Variants in ALG11 observed in about 807,000 individuals in gnomAD.
The protein encoded by ALG11 is ALG11 alpha-1,2-mannosyltransferase.
Under a neutral mutation model 38.8 loss-of-function variants are expected in ALG11, and 26 were observed. The ratio of observed to expected loss-of-function variants is 0.67; its 90% CI spans 0.49 to 0.93. ALG11 has a LOEUF of 0.93. Among genes scored for constraint, ALG11 ranks in the 40% least tolerant of loss-of-function variants. The pLI, the probability that ALG11 is intolerant of heterozygous loss-of-function variation, is 0.00. For synonymous variants in ALG11, 199 were observed against 211.6 expected (o/e 0.94, Z 0.52); for missense variants, 535 against 578.8 (o/e 0.92, Z 0.78).
rs1343857167 is a variant in ALG11, at chr13:52,030,533, A to C, written c.*1943A>C. ...TTCCGTGAGGTCTTTGGCAGTTCCC[A>C]CAATAATAGAGGAGCTGGAAGATGA... On this transcript the variant is annotated 3_prime_UTR_variant, in exon 4 of 4. Coordinates refer to ENST00000521508, the MANE Select transcript of ALG11 (RefSeq NM_001004127.3). The C allele has an allele frequency of 3.7e-6, 6 of 1,614,090 alleles. No homozygotes were observed. The African/African-American group carries it at 6.7e-5, about 18-fold the overall frequency.
At chr13:52,027,702 T>C (rs891007815) in intron 3 of ALG11, among the ~76,000 whole-genome samples, 11 of 152,254 alleles carry the variant, frequency 7.2e-5, no homozygotes, top group Admixed American at 2.6e-4. Flanking sequence ...CATGCAGTAG[T>C]CTCAAATATG....
In ALG11 at chr13:52,028,942, G is replaced by A. The variant is rs760813420; in HGVS notation, c.*352G>A. The A allele has an allele frequency of 1.2e-6, 2 of 1,614,218 alleles. No homozygotes were observed. The highest frequency in any genetic ancestry group is 1.7e-6 in the Non-Finnish European group (2 of 1,180,036). Reference sequence around the variant, plus strand: ...GAGAGAGAAAGCATCAAAAGCTTCTGGAAGCAATCATTTCCCTTGATGGAA... The same window carrying A: ...GAGAGAGAAAGCATCAAAAGCTTCTAGAAGCAATCATTTCCCTTGATGGAA... On this transcript the variant is annotated 3_prime_UTR_variant, in exon 4 of 4. Transcript: ENST00000521508.
intron 1 of ALG11, among the ~76,000 whole-genome samples, chr13:52,018,379 A>G (rs1301535297): frequency 6.6e-6 from 1 of 152,252 alleles, no homozygotes; most frequent in Non-Finnish European, 1.5e-5. Flanking sequence ...AATAGAGCAA[A>G]TACAGAACTG....
At position 52,012,415 on chromosome 13, in the gene ALG11, G is replaced by A. The variant is rs755079416; in HGVS notation, c.-4G>A. ...CGTTTCCTGAGTTCGGGGGTCGGCG[G>A]AAGATGGCGGCCGGCGAAAGGAGCT... On this transcript the variant is annotated 5_prime_UTR_variant, in exon 1 of 4. Coordinates refer to ENST00000521508, the MANE Select transcript of ALG11 (RefSeq NM_001004127.3). 1.9e-6 allele frequency: 3 copies of A among 1,614,030 alleles called. No individual in the cohort carries two copies. The highest frequency in any genetic ancestry group is 1.7e-5 in the Admixed American group (1 of 60,010).
In ALG11 at chr13:52,012,505, G is replaced by A. The variant is rs764292345; in HGVS notation, c.44+43G>A. The A allele has an allele frequency of 2.5e-6, 4 of 1,613,800 alleles. No homozygotes were observed. In the Admixed American group the frequency reaches 6.7e-5, roughly 27 times the overall value. On this transcript the variant is annotated intron_variant, in intron 1 of 3. Transcript: ENST00000521508. ...TGGGCTCACAGACGTTTTCTCTTCT[G>A]TAGGGGTACTTGCCCGTCCAGTGTA...
In ALG11 at chr13:52,032,965, T is replaced by C. The variant is rs910486152; in HGVS notation, c.*4375T>C. 1.2e-5 allele frequency: 2 copies of C among 167,114 alleles called. No homozygotes were observed. The highest frequency in any genetic ancestry group is 2.1e-4 in the South Asian group (1 of 4,834). The allele number at this position is 167,114 out of a possible 1,614,324, so 10.4% of individuals were successfully genotyped here. On this transcript the variant is annotated 3_prime_UTR_variant, in exon 4 of 4. Transcript: ENST00000521508. ...CACTTTGAAGTAAGATTCAAACTGT[T>C]ATCCACTCAATTGCCTTATTCCTGA...
At chr13:52,025,663 T>A (rs1954233512) in intron 3 of ALG11, among the ~76,000 whole-genome samples, 1 of 152,230 alleles carries the variant, frequency 6.6e-6, no homozygotes, top group Non-Finnish European at 1.5e-5. Context: ...TGGCACAAAC[T>A]GCTATCTCTA....
intron 1 of ALG11, chr13:52,015,779 C>G (rs1954129541): frequency 6.6e-6 from 1 of 152,336 alleles, no homozygotes; most frequent in Admixed American, 6.5e-5. Context: ...ATTTTTGTTC[C>G]CAGTTTCGAG....
Position 52,024,625 on chromosome 13 carries a change from C to A in ALG11, c.895C>A (p.Pro299Thr). 6.2e-7 allele frequency: 1 copy of A among 1,613,814 alleles called. No homozygotes were observed. The highest frequency in any genetic ancestry group is 8.5e-7 in the Non-Finnish European group (1 of 1,179,776). ...DIPLHEKKMTPGHLLVSVGQF... is the reference protein window; with the variant it reads ...DIPLHEKKMTTGHLLVSVGQF... ...TCCCTTACATGAGAAAAAGATGACC[C>A]CAGGACATTTGCTGGTTTCTGTTGG... The change falls in exon 3 of 4, where the codon CCA becomes ACA. Residue 299 changes from proline (P) to threonine (T), a missense_variant. By Grantham distance (38) the Pro-to-Thr change is conservative (BLOSUM62 -1). Transcript: ENST00000521508.
rs998882739 is a variant in ALG11 at position 52,031,444 on chromosome 13, CTT to C, written c.*2856_*2857del. ...AGTCAAGAGGTGGGACTGACTGATG[CTT>C]TATAGGTGTGTGTAGGGTGGTAGAG... is the stretch of plus-strand genomic sequence containing the variant. On this transcript the variant is annotated 3_prime_UTR_variant, in exon 4 of 4. Coordinates refer to ENST00000521508, the MANE Select transcript of ALG11 (RefSeq NM_001004127.3). 47 of 274,034 alleles carry C rather than the reference CTT, an allele frequency of 1.7e-4. No individual in the cohort carries two copies. The highest frequency in any genetic ancestry group is 1.5e-4 in the Non-Finnish European group (21 of 135,724). 17.0% of individuals were successfully genotyped at this position (274,034 alleles called of 1,614,324 possible). A position where few individuals can be genotyped will look rare whatever the true frequency, so the allele number is the denominator to read the frequency against.
Position 52,028,533 on chromosome 13 carries a change from C to G in ALG11, c.1422C>G (p.Phe474Leu). 6.2e-7 allele frequency: 1 copy of G among 1,614,156 alleles called. No homozygotes were observed. The highest frequency in any genetic ancestry group is 1.1e-5 in the South Asian group (1 of 91,086). ...RKSARASVSR[F>L]SDQEFEVTFL... ...GTGCTCGTGCATCTGTAAGCAGATT[C>G]TCTGATCAGGAATTTGAAGTGACAT... Residue 474 changes from phenylalanine to leucine, a missense_variant, in exon 4 of 4, where the codon TTC (phenylalanine) becomes TTG (leucine). Coordinates refer to ENST00000521508, the MANE Select transcript of ALG11 (RefSeq NM_001004127.3).
rs765462191 is a variant in ALG11, at chr13:52,024,181, G to A, written c.451G>A (p.Gly151Ser). The A allele has an allele frequency of 6.2e-6, 10 of 1,613,852 alleles. No individual in the cohort carries two copies. Among genetic ancestry groups the A allele is most frequent in the Non-Finnish European group, 8.5e-6 (10 of 1,180,012 alleles). ...ACTGTATCCTCACTTCACACTGCTGGGCCAAAGTCTAGGATCCATTTTTCT... is the reference window on the plus strand; with the variant it reads ...ACTGTATCCTCACTTCACACTGCTGAGCCAAAGTCTAGGATCCATTTTTCT... ...DSLYPHFTLL[G>S]QSLGSIFLGW... Residue 151 changes from glycine (G) to serine (S), a missense_variant, in exon 3 of 4, where the codon GGC (glycine) becomes AGC (serine). By Grantham distance (56) the Gly-to-Ser change is moderately conservative (BLOSUM62 0). Transcript: ENST00000521508.
At position 52,024,495 on chromosome 13, in the gene ALG11, G is replaced by C. The variant is rs1285055405; in HGVS notation, c.765G>C (p.Met255Ile). Residue 255 changes from methionine (M) to isoleucine (I), a missense_variant, in exon 3 of 4, where the codon ATG becomes ATC. Physicochemically the swap from Met to Ile is conservative, Grantham distance 10 (BLOSUM62 1). Transcript: ENST00000521508. ...GLVGSCSDVV[M>I]VNSSWTLNHI... Reference sequence around the variant, plus strand: ...TTGGTTCTTGCAGTGATGTAGTCATGGTCAATTCTTCTTGGACACTAAACC... The same window carrying C: ...TTGGTTCTTGCAGTGATGTAGTCATCGTCAATTCTTCTTGGACACTAAACC... The C allele has an allele frequency of 6.2e-7, 1 of 1,614,078 alleles. No individual in the cohort carries two copies. Among genetic ancestry groups the C allele is most frequent in the South Asian group, 1.1e-5 (1 of 91,068 alleles).
chr13:52,024,766 C>T lies in ALG11; in HGVS notation c.1036C>T (p.Arg346Cys), dbSNP rs201343222. 3.7e-6 allele frequency: 6 copies of T among 1,613,988 alleles called. No individual in the cohort carries two copies. Among genetic ancestry groups the T allele is most frequent in the African/African-American group, 2.7e-5 (2 of 74,884 alleles). ...TAAACTTGTCCTCATTGGAGGTTGTCGTAACAAAGATGATGAACTTAGGGT... is the reference window on the plus strand; with the variant it reads ...TAAACTTGTCCTCATTGGAGGTTGTTGTAACAAAGATGATGAACTTAGGGT... The part of the protein sequence containing the change: ...SLKLVLIGGC[R>C]NKDDELRVNQ... Residue 346 changes from arginine (R) to cysteine (C), a missense_variant, in exon 3 of 4, where the codon CGT (arginine) becomes TGT (cysteine). Arg to Cys is a radical substitution (Grantham distance 180, BLOSUM62 -3). Coordinates refer to ENST00000521508, the MANE Select transcript of ALG11 (RefSeq NM_001004127.3).
chr13:52,027,996 G>C (rs1485336368), intron 3 of ALG11, among the ~76,000 whole-genome samples: 1 of 151,704 alleles, frequency 6.6e-6, no homozygotes, highest in African/African-American at 2.4e-5. Flanking sequence ...GGTAGCTCAC[G>C]CTGGTAAATC....
At position 52,028,355 on chromosome 13, in the gene ALG11, T is replaced by A. The variant is rs1248265912; in HGVS notation, c.1244T>A (p.Leu415His). Residue 415 changes from leucine (L) to histidine (H), a missense_variant, in exon 4 of 4, where the codon CTT (leucine) becomes CAT (histidine). Physicochemically the swap from Leu to His is moderately conservative, Grantham distance 99. Coordinates refer to ENST00000521508, the MANE Select transcript of ALG11 (RefSeq NM_001004127.3). The part of the protein sequence containing the change: ...VECMAAGTII[L>H]AHNSGGPKLD... ...TGTATGGCAGCTGGCACAATTATCC[T>A]TGCACACAATTCGGGGGGCCCAAAG... 6.2e-7 allele frequency: 1 copy of A among 1,614,212 alleles called. No individual in the cohort carries two copies. Among genetic ancestry groups the A allele is most frequent in the Non-Finnish European group, 8.5e-7 (1 of 1,180,042 alleles).
At chr13:52,025,203 A>G (rs1454981733) in intron 3 of ALG11, among the ~76,000 whole-genome samples, 1 of 152,220 alleles carries the variant, frequency 6.6e-6, no homozygotes, top group African/African-American at 2.4e-5. Context: ...CCCGTTTGAT[A>G]GGTGTTATTG....
chr13:52,020,252 AC>A (rs1347334669), intron 2 of ALG11, among the ~76,000 whole-genome samples: 2 of 151,738 alleles, frequency 1.3e-5, no homozygotes, highest in African/African-American at 4.8e-5. Flanking sequence ...CGTCATCACC[AC>A]CCCCCATACC....
At chr13:52,021,932 C>T (rs1954187433) in intron 2 of ALG11, 1 of 152,248 alleles carries the variant, frequency 6.6e-6, no homozygotes, top group African/African-American at 2.4e-5. Context: ...GTAGGAGCTG[C>T]CAGTCCCTTA....
Sources: allele counts gnomAD v4.1 joint callset (sites outside exome capture counted in the v4.1 genomes callset), GRCh38; gene constraint gnomAD v4.1.1; transcripts MANE v1.5; gene names NCBI Gene and HGNC (gene_info 2026-07-23, HGNC 2026-07-21).